Variants in SLC71A2 observed in about 807,000 individuals in gnomAD.
SLC71A2 encodes solute carrier family 71 member 2, also known as hippocampus abundant transcript-like 1.
the SLC71A2 span, among the ~76,000 whole-genome samples, chr9:94,401,463 C>T: frequency 2.3e-4 from 35 of 152,186 alleles, no homozygotes; most frequent in African/African-American, 8.2e-4. Context: ...TGAGCCACTG[C>T]GCCCAGCAAT....
At chr9:94,423,802 C>T in the SLC71A2 span, among the ~76,000 whole-genome samples, 2 of 152,224 alleles carry the variant, frequency 1.3e-5, no homozygotes, top group African/African-American at 4.8e-5. Context: ...GGCATCTTCA[C>T]CTGAATTCTT....
the SLC71A2 span, among the ~76,000 whole-genome samples, chr9:94,382,995 CTTCT>C: frequency 3.3e-5 from 5 of 151,914 alleles, no homozygotes; most frequent in African/African-American, 1.2e-4. Flanking sequence ...CTTGGCCTTC[CTTCT>C]ATGTTTATGG....
chr9:94,455,378 A>ATTTTTTTTTTTTTTTTTTTTTTTT, the SLC71A2 span, among the ~76,000 whole-genome samples: 14 of 85,778 alleles, frequency 1.6e-4, no homozygotes, highest in Non-Finnish European at 1.9e-4. Context: ...TAATATTCTG[A>ATTTTTTTTTTTTTTTTTTTTTTTT]TTTTTTTTTT....
At chr9:94,442,004 C>T in the SLC71A2 span, among the ~76,000 whole-genome samples, 5 of 152,148 alleles carry the variant, frequency 3.3e-5, no homozygotes, top group African/African-American at 1.2e-4. Flanking sequence ...CATGTGTGGG[C>T]ATGTGTGTTC....
chr9:94,383,189 G>A, the SLC71A2 span, among the ~76,000 whole-genome samples: 7 of 125,668 alleles, frequency 5.6e-5, no homozygotes, highest in African/African-American at 1.2e-4. Flanking sequence ...TTGAGATGGC[G>A]TCTTGTCCCA....
the SLC71A2 span, among the ~76,000 whole-genome samples, chr9:94,383,892 T>C: frequency 6.6e-6 from 1 of 152,258 alleles, no homozygotes; most frequent in African/African-American, 2.4e-5. Context: ...CTTGACGTTA[T>C]TGTAAATGGT....
the SLC71A2 span, chr9:94,429,269 T>G: frequency 6.3e-7 from 1 of 1,585,472 alleles, no homozygotes; most frequent in Non-Finnish European, 8.6e-7. Context: ...AAAATTTTTA[T>G]GTGGTTTGTA....
the SLC71A2 span, among the ~76,000 whole-genome samples, chr9:94,424,942 C>T: frequency 4.7e-4 from 70 of 150,112 alleles, no homozygotes; most frequent in Non-Finnish European, 3.1e-4. Flanking sequence ...CGGGTTTCAG[C>T]GAGGCTGGTC....
At chr9:94,414,989 T>C in the SLC71A2 span, among the ~76,000 whole-genome samples, 1 of 152,276 alleles carries the variant, frequency 6.6e-6, no homozygotes, top group East Asian at 1.9e-4. Context: ...CTTCCCTTAT[T>C]AGGGAAAGTG....
the SLC71A2 span, among the ~76,000 whole-genome samples, chr9:94,386,342 A>G: frequency 1.3e-5 from 2 of 150,808 alleles, no homozygotes; most frequent in Non-Finnish European, 3.0e-5. Context: ...TGCTCAGTGT[A>G]GGACTAATTA....
chr9:94,392,133 G>T, the SLC71A2 span, among the ~76,000 whole-genome samples: 1 of 151,174 alleles, frequency 6.6e-6, no homozygotes, highest in Non-Finnish European at 1.5e-5. Flanking sequence ...TTGTATCAAA[G>T]TTGTAGTGTC....
At chr9:94,420,247 C>T in the SLC71A2 span, among the ~76,000 whole-genome samples, 1 of 152,166 alleles carries the variant, frequency 6.6e-6, no homozygotes, top group African/African-American at 2.4e-5. Flanking sequence ...CTGGCCTAAC[C>T]CACTAGTCTT....
chr9:94,399,442 C>G, the SLC71A2 span, among the ~76,000 whole-genome samples: 1 of 152,006 alleles, frequency 6.6e-6, no homozygotes, highest in Non-Finnish European at 1.5e-5. Context: ...ATAATACACA[C>G]ATTTGTAAGT....
chr9:94,430,514 C>T, the SLC71A2 span, among the ~76,000 whole-genome samples: 5 of 152,266 alleles, frequency 3.3e-5, no homozygotes, highest in Admixed American at 1.3e-4. Context: ...TGAGCCACTG[C>T]GCCTGGCCTG....
At chr9:94,376,603 A>C in the SLC71A2 span, among the ~76,000 whole-genome samples, 2 of 141,662 alleles carry the variant, frequency 1.4e-5, no homozygotes, top group Non-Finnish European at 3.0e-5. Flanking sequence ...CAGTTTCCAC[A>C]GTTCGATAAG....
the SLC71A2 span, chr9:94,444,938 C>T: frequency 6.2e-7 from 1 of 1,607,508 alleles, no homozygotes; most frequent in Non-Finnish European, 8.5e-7. Context: ...CTATGGGACC[C>T]TGGGTGAGAG....
At chr9:94,407,916 G>T in the SLC71A2 span, among the ~76,000 whole-genome samples, 3 of 151,988 alleles carry the variant, frequency 2.0e-5, no homozygotes, top group African/African-American at 4.8e-5. Context: ...CCATTCCTTC[G>T]TCCAGCATTT....
chr9:94,451,369 C>A, the SLC71A2 span: 1 of 653,130 alleles, frequency 1.5e-6, no homozygotes, highest in Non-Finnish European at 2.4e-6. Context: ...ATGAATTTTC[C>A]TAGACTTATC....
At chr9:94,447,482 T>G in the SLC71A2 span, among the ~76,000 whole-genome samples, 5 of 29,072 alleles carry the variant, frequency 1.7e-4, 2 homozygotes, top group Non-Finnish European at 2.9e-4. Context: ...GCCCAGCCTG[T>G]TTTTTTTTTT....
Sources: gnomAD v4.1 joint callset for allele counts (sites outside exome capture counted in the v4.1 genomes callset) on GRCh38, gnomAD v4.1.1 for gene constraint, MANE v1.5 for transcripts, NCBI Gene and HGNC (gene_info 2026-07-23, HGNC 2026-07-21) for gene names.